The following GPC6 variants were observed in gnomAD, a reference collection of about 807,000 sequenced individuals.
The protein encoded by GPC6 is glypican-6.
In GPC6, 14 loss-of-function variants were observed where a neutral mutation model predicts 55.2. The observed-to-expected ratio is 0.25, with a 90% CI of 0.17 to 0.40. The LOEUF (loss-of-function observed/expected upper bound fraction) is 0.40, where lower values mean the gene tolerates loss of function less well. Ranked by LOEUF, GPC6 falls within the 10% of genes least tolerant of loss-of-function variation. The pLI is 1.00. For missense variants in GPC6, 641 were observed against 708.5 expected, an observed-to-expected ratio of 0.90 and a Z score of 1.08; for synonymous variants, 278 against 259.6, an observed-to-expected ratio of 1.07 and a Z score of -0.68.
chr13:93,557,042 A>C (rs1422616200), intron 2 of GPC6, among the ~76,000 whole-genome samples: 1 of 152,192 alleles, frequency 6.6e-6, no homozygotes, highest in Non-Finnish European at 1.5e-5. Context: ...ATTGAAGGAA[A>C]AGTGCCTGAT....
At chr13:93,529,822 A>C (rs1881796286) in intron 1 of GPC6, among the ~76,000 whole-genome samples, 1 of 152,068 alleles carries the variant, frequency 6.6e-6, no homozygotes. Context: ...GCTGTCTCTG[A>C]GATTCTTAAG....
intron 3 of GPC6, among the ~76,000 whole-genome samples, chr13:93,976,863 C>A (rs1317472521): frequency 6.6e-6 from 1 of 151,972 alleles, no homozygotes; most frequent in Non-Finnish European, 1.5e-5. Flanking sequence ...ATTAACATAT[C>A]CATATTTCTA....
chr13:94,021,260 GTATA>G (rs57597417), intron 3 of GPC6, among the ~76,000 whole-genome samples: 35 of 146,216 alleles, frequency 2.4e-4, no homozygotes, highest in African/African-American at 8.0e-4. Flanking sequence ...TTCATTGTGT[GTATA>G]TATATATATA....
intron 2 of GPC6, among the ~76,000 whole-genome samples, chr13:93,592,362 T>A (rs536519624): frequency 1.6e-4 from 23 of 146,726 alleles, no homozygotes; most frequent in African/African-American, 5.2e-4. Context: ...ATATGTAAAA[T>A]ATATATATAT....
intron 2 of GPC6, among the ~76,000 whole-genome samples, chr13:93,673,730 C>T (rs1260402301): frequency 1.3e-5 from 2 of 152,078 alleles, no homozygotes; most frequent in African/African-American, 4.8e-5. Context: ...AAATGTTCCC[C>T]AAGTTATCTA....
intron 3 of GPC6, among the ~76,000 whole-genome samples, chr13:93,851,398 T>C (rs1888390942): frequency 6.6e-6 from 1 of 151,908 alleles, no homozygotes; most frequent in Non-Finnish European, 1.5e-5. Context: ...TTGATTGGCA[T>C]GTGTATCCTA....
At chr13:94,299,785 A>G (rs923988124) in intron 5 of GPC6, among the ~76,000 whole-genome samples, 3 of 152,198 alleles carry the variant, frequency 2.0e-5, no homozygotes, top group Non-Finnish European at 4.4e-5. Context: ...CACTGATAAC[A>G]CCTATTGGTT....
chr13:93,262,547 T>C (rs1014649913), intron 1 of GPC6, among the ~76,000 whole-genome samples: 3 of 152,222 alleles, frequency 2.0e-5, no homozygotes, highest in Non-Finnish European at 4.4e-5. Context: ...AGGCTATTCT[T>C]ATAGGCAATT....
chr13:93,547,009 C>A (rs1487158606), intron 2 of GPC6, among the ~76,000 whole-genome samples: 6 of 151,952 alleles, frequency 3.9e-5, no homozygotes, highest in Non-Finnish European at 7.4e-5. Context: ...GGAGAGTTGA[C>A]ATTTTTAAAA....
Position 94,286,437 on chromosome 13 carries a change from C to G in GPC6, c.966C>G (p.Ala322=). 6.2e-7 allele frequency: 1 copy of G among 1,613,620 alleles called. No individual in the cohort carries two copies. The highest frequency in any genetic ancestry group is 2.2e-5 in the East Asian group (1 of 44,862). The stretch of plus-strand genomic sequence containing the variant: ...CGATAGATGTCAAGATTTCTGAAGC[C>G]ATTATGAACATGCAAGAAAACAGCA... ...MDPIDVKISE[A]IMNMQENSMQ... Residue 322 remains alanine (A), a synonymous_variant, in exon 5 of 9, where the codon GCC becomes GCG. Transcript: ENST00000377047.
At position 94,026,303 on chromosome 13, in the gene GPC6, T is replaced by C. The variant is rs200027592; in HGVS notation, c.712-1426T>C. ...TGATCCTAGGTAAGGGATAGAATCATAGAGAAATAGCTATAGTAATTGAAA... is the reference window on the plus strand; with the variant it reads ...TGATCCTAGGTAAGGGATAGAATCACAGAGAAATAGCTATAGTAATTGAAA... On this transcript the variant is annotated intron_variant, in intron 3 of 8. Transcript: ENST00000377047. Among the ~76,000 whole-genome samples, 8 of 152,276 alleles carry C rather than the reference T, an allele frequency of 5.3e-5. No individual in the cohort carries two copies. In the East Asian group the frequency reaches 1.5e-3, roughly 29 times the overall value.
intron 3 of GPC6, among the ~76,000 whole-genome samples, chr13:93,980,978 AG>A (rs1462650949): frequency 6.6e-6 from 1 of 152,188 alleles, no homozygotes; most frequent in Non-Finnish European, 1.5e-5. Flanking sequence ...GACCAACAAC[AG>A]TGTATGCCAA....
At chr13:93,671,099 G>A (rs910746483) in intron 2 of GPC6, among the ~76,000 whole-genome samples, 9 of 152,098 alleles carry the variant, frequency 5.9e-5, no homozygotes, top group African/African-American at 1.9e-4. Flanking sequence ...GCCAAAGTCT[G>A]TGCCATGAAC....
intron 1 of GPC6, among the ~76,000 whole-genome samples, chr13:93,453,932 T>C (rs2999498): frequency 0.4 from 60,763 of 151,836 alleles, 12,634 homozygotes; most frequent in Admixed American, 0.5. Context: ...CTTTTATTCT[T>C]TTATCTGGCC....
intron 4 of GPC6, among the ~76,000 whole-genome samples, chr13:94,136,414 A>T (rs1887187005): frequency 6.6e-6 from 1 of 152,200 alleles, no homozygotes; most frequent in Admixed American, 6.5e-5. Flanking sequence ...TGCTGTGTTA[A>T]GAAGTTTGTT....
intron 4 of GPC6, among the ~76,000 whole-genome samples, chr13:94,163,881 A>G (rs183323772): frequency 5.0e-4 from 76 of 152,316 alleles, no homozygotes; most frequent in Middle Eastern, 3.4e-3. Context: ...AGGACTTAGG[A>G]CAATCAGATA....
chr13:93,428,332 G>A (rs1448499935), intron 1 of GPC6, among the ~76,000 whole-genome samples: 1 of 152,118 alleles, frequency 6.6e-6, no homozygotes, highest in East Asian at 1.9e-4. Context: ...GTATTAAAGT[G>A]TGGACACATT....
chr13:93,560,156 A>C (rs77086212), intron 2 of GPC6, among the ~76,000 whole-genome samples: 13,087 of 152,170 alleles, frequency 0.086, 785 homozygotes, highest in Non-Finnish European at 0.13. Flanking sequence ...CATCTGAATG[A>C]AACATATTTT....
intron 6 of GPC6, among the ~76,000 whole-genome samples, chr13:94,352,075 C>G (rs1017383588): frequency 6.6e-6 from 1 of 151,984 alleles, no homozygotes; most frequent in African/African-American, 2.4e-5. Flanking sequence ...ACTCCTCTCT[C>G]TGTCTGTGTT....
Sources: allele counts gnomAD v4.1 joint callset (sites outside exome capture counted in the v4.1 genomes callset), GRCh38; gene constraint gnomAD v4.1.1; transcripts MANE v1.5; gene names NCBI Gene and HGNC (gene_info 2026-07-23, HGNC 2026-07-21).